Variants in HCN1 observed in about 807,000 individuals in gnomAD.
The protein encoded by HCN1 is hyperpolarization activated cyclic nucleotide gated potassium channel 1.
A neutral mutation model predicts 78.9 loss-of-function variants in HCN1; 13 were observed. The observed-to-expected ratio is 0.16, with a 90% CI of 0.11 to 0.26. The LOEUF is 0.26. Ranked by LOEUF, HCN1 falls within the 10% of genes least tolerant of loss-of-function variation. HCN1 has a pLI of 1.00. For missense variants in HCN1, 810 were observed against 1,154.3 expected (o/e 0.70, Z 4.32); for synonymous variants, 552 against 455.5 (o/e 1.21, Z -2.70).
chr5:45,617,930 G>A (rs1744985338), intron 2 of HCN1, among the ~76,000 whole-genome samples: 1 of 152,048 alleles, frequency 6.6e-6, no homozygotes, highest in South Asian at 2.1e-4. Flanking sequence ...TCATTCATTT[G>A]CTACAAAGTA....
intron 2 of HCN1, among the ~76,000 whole-genome samples, chr5:45,557,530 C>T (rs1179181302): frequency 1.3e-5 from 2 of 152,076 alleles, no homozygotes; most frequent in African/African-American, 2.4e-5. Flanking sequence ...GGCTTTATTG[C>T]ACTTGGCAGA....
intron 6 of HCN1, among the ~76,000 whole-genome samples, chr5:45,289,188 C>G (rs1457675424): frequency 6.6e-6 from 1 of 151,962 alleles, no homozygotes; most frequent in Non-Finnish European, 1.5e-5. Context: ...GACTTAGAAA[C>G]TGAAAGATTT....
At chr5:45,546,900 T>G (rs546091389) in intron 2 of HCN1, among the ~76,000 whole-genome samples, 1 of 152,002 alleles carries the variant, frequency 6.6e-6, no homozygotes, top group South Asian at 2.1e-4. Flanking sequence ...TTACTTATAT[T>G]GAACCAAAAT....
intron 4 of HCN1, among the ~76,000 whole-genome samples, chr5:45,372,910 A>G (rs1747449969): frequency 7.0e-6 from 1 of 143,048 alleles, no homozygotes; most frequent in African/African-American, 2.5e-5. Context: ...TATTCTATAC[A>G]TAAAAATATA....
chr5:45,420,847 G>A (rs1740212572), intron 3 of HCN1, among the ~76,000 whole-genome samples: 1 of 151,958 alleles, frequency 6.6e-6, no homozygotes, highest in Non-Finnish European at 1.5e-5. Context: ...TACCAGCACT[G>A]TGCTGAAAAC....
At chr5:45,492,529 T>TG (rs941712630) in intron 2 of HCN1, among the ~76,000 whole-genome samples, 8 of 144,726 alleles carry the variant, frequency 5.5e-5, no homozygotes, top group African/African-American at 1.8e-4. Context: ...GTTTTTTTTT[T>TG]TTTTTTTTGA....
In HCN1 at chr5:45,536,485, T is replaced by G. The variant is rs144997065; in HGVS notation, c.850-74478A>C. Among the ~76,000 whole-genome samples the G allele has an allele frequency of 9.9e-4, 151 of 152,298 alleles. 1 individual carries two copies. The highest frequency in any genetic ancestry group is 3.4e-3 in the African/African-American group (142 of 41,576). On this transcript the variant is annotated intron_variant, in intron 2 of 7. Transcript: ENST00000303230. ...CCACACAGTGTTTTCCTTTTTTCAT[T>G]TCAGTTACTGCATTTTTCAGCATTA...
chr5:45,344,714 TG>T (rs1203156994), intron 5 of HCN1, among the ~76,000 whole-genome samples: 4 of 152,138 alleles, frequency 2.6e-5, no homozygotes, highest in Admixed American at 2.0e-4. Flanking sequence ...ATGCAAGAGG[TG>T]GGCTCGCATG....
intron 2 of HCN1, among the ~76,000 whole-genome samples, chr5:45,636,498 T>A (rs1303425339): frequency 6.6e-6 from 1 of 152,156 alleles, no homozygotes; most frequent in Non-Finnish European, 1.5e-5. Flanking sequence ...TGTCCTAAAT[T>A]AGCCTGATTC....
chr5:45,338,557 C>G (rs1746510802), intron 5 of HCN1, among the ~76,000 whole-genome samples: 1 of 152,120 alleles, frequency 6.6e-6, no homozygotes, highest in Non-Finnish European at 1.5e-5. Context: ...CTAGTTCACT[C>G]ATTTAGCATT....
chr5:45,376,699 G>A (rs1024376182), intron 4 of HCN1, among the ~76,000 whole-genome samples: 1 of 151,828 alleles, frequency 6.6e-6, no homozygotes, highest in East Asian at 1.9e-4. Flanking sequence ...GGACCCTGAG[G>A]TTCACTGGCA....
chr5:45,338,729 T>C (rs919882920), intron 5 of HCN1, among the ~76,000 whole-genome samples: 4 of 152,172 alleles, frequency 2.6e-5, no homozygotes, highest in Admixed American at 6.5e-5. Context: ...TAGACATTTT[T>C]TGTAATCTAT....
At chr5:45,635,734 A>G (rs912916797) in intron 2 of HCN1, among the ~76,000 whole-genome samples, 4 of 152,158 alleles carry the variant, frequency 2.6e-5, no homozygotes, top group African/African-American at 9.6e-5. Flanking sequence ...ACAGAAAAAG[A>G]AGTCAAAGCA....
At chr5:45,465,062 A>G (rs1254035964) in intron 2 of HCN1, among the ~76,000 whole-genome samples, 1 of 152,132 alleles carries the variant, frequency 6.6e-6, no homozygotes, top group African/African-American at 2.4e-5. Flanking sequence ...CTTAAGTAAT[A>G]AATTTCCATA....
intron 6 of HCN1, among the ~76,000 whole-genome samples, chr5:45,292,404 C>G (rs1156817015): frequency 6.6e-6 from 1 of 151,928 alleles, no homozygotes; most frequent in Non-Finnish European, 1.5e-5. Flanking sequence ...GCTTTTTTAA[C>G]CGTGTTAAAT....
intron 2 of HCN1, among the ~76,000 whole-genome samples, chr5:45,504,181 A>C (rs1742247950): frequency 6.6e-6 from 1 of 152,052 alleles, no homozygotes; most frequent in Non-Finnish European, 1.5e-5. Flanking sequence ...TACATGTGCC[A>C]TGTTGGTGTG....
At chr5:45,558,768 G>T (rs1417254585) in intron 2 of HCN1, 1 of 151,752 alleles carries the variant, frequency 6.6e-6, no homozygotes, top group Non-Finnish European at 1.5e-5. Flanking sequence ...TGTGTCTATA[G>T]TATTTATTTA....
intron 5 of HCN1, among the ~76,000 whole-genome samples, chr5:45,327,601 T>G (rs949810109): frequency 4.0e-5 from 6 of 151,630 alleles, no homozygotes; most frequent in Non-Finnish European, 5.9e-5. Context: ...TTAGCATTTG[T>G]TATGGGTTGA....
At chr5:45,572,301 T>C (rs1427625397) in intron 2 of HCN1, among the ~76,000 whole-genome samples, 1 of 152,200 alleles carries the variant, frequency 6.6e-6, no homozygotes, top group Admixed American at 6.5e-5. Flanking sequence ...ATCAGACTCA[T>C]GAGAAGCACT....
Sources: allele counts gnomAD v4.1 joint callset (sites outside exome capture counted in the v4.1 genomes callset), GRCh38; gene constraint gnomAD v4.1.1; transcripts MANE v1.5; gene names NCBI Gene and HGNC (gene_info 2026-07-23, HGNC 2026-07-21).